Variants in BBIP1 observed in about 807,000 individuals in gnomAD.
The protein encoded by BBIP1 is BBSome interacting protein 1, also known as BBSome-interacting protein 1.
A neutral mutation model predicts 8.9 loss-of-function variants in BBIP1; 6 were observed. That is an observed-to-expected ratio of 0.67 (90% CI 0.37 to 1.33). BBIP1 has a LOEUF of 1.33. Among genes scored for constraint, BBIP1 ranks in the 40% most tolerant of loss-of-function variants. The pLI, the probability that BBIP1 is intolerant of heterozygous loss-of-function variation, is 0.02. For synonymous variants in BBIP1, 32 were observed against 33.4 expected (o/e 0.96, Z 0.14); for missense variants, 111 against 109.2 (o/e 1.02, Z -0.07).
intron 2 of BBIP1, among the ~76,000 whole-genome samples, chr10:110,906,056 G>A (rs1315744076): frequency 2.7e-5 from 4 of 148,954 alleles, no homozygotes; most frequent in Admixed American, 2.0e-4. Context: ...AGGCTGGAGA[G>A]CAGTGGCGCG....
chr10:110,900,829 A>G (rs947962464), intron 3 of BBIP1: 6 of 302,802 alleles, frequency 2.0e-5, no homozygotes, highest in Admixed American at 4.9e-5. Context: ...CAGAATATAT[A>G]TATACATAGT....
At chr10:110,901,078 C>G (rs755234775) in intron 3 of BBIP1, 1 of 445,472 alleles carries the variant, frequency 2.2e-6, no homozygotes, top group Non-Finnish European at 4.5e-6. Context: ...TTGTTTGAGC[C>G]CAGGGGTTTG....
chr10:110,914,318 G>A (rs939632005), intron 2 of BBIP1, among the ~76,000 whole-genome samples: 3 of 151,860 alleles, frequency 2.0e-5, no homozygotes, highest in African/African-American at 7.3e-5. Flanking sequence ...AATTCAACCT[G>A]CCTAGTGTGG....
chr10:110,904,765 T>C (rs2134024657), intron 2 of BBIP1: 1 of 152,328 alleles, frequency 6.6e-6, no homozygotes, highest in South Asian at 2.1e-4. Flanking sequence ...GCTGACTAAA[T>C]GTTCACCAGC....
intron 1 of BBIP1, 43 bp from the exon 2 acceptor site, chr10:110,918,256 A>G: frequency 9.7e-7 from 1 of 1,029,496 alleles, no homozygotes; most frequent in Non-Finnish European, 1.4e-6. Flanking sequence ...GCCATATAAA[A>G]GCAATACAGT....
intron 2 of BBIP1, chr10:110,907,526 AAAAAG>A (rs1378906077): frequency 8.2e-5 from 41 of 498,092 alleles, no homozygotes; most frequent in South Asian, 6.7e-4. Flanking sequence ...AAAAAAAAAA[AAAAAG>A]AAAAGAAAAG....
chr10:110,905,431 G>C (rs1846107379), intron 2 of BBIP1, among the ~76,000 whole-genome samples: 3 of 152,070 alleles, frequency 2.0e-5, no homozygotes, highest in Non-Finnish European at 4.4e-5. Flanking sequence ...GCGTAGTGGT[G>C]GGCGCCTGTA....
intron 2 of BBIP1, among the ~76,000 whole-genome samples, chr10:110,914,247 T>C (rs1364211797): frequency 6.6e-6 from 1 of 152,148 alleles, no homozygotes; most frequent in Non-Finnish European, 1.5e-5. Context: ...CTGTAAAGGA[T>C]ACTTTATGTA....
At chr10:110,909,934 C>T (rs1442853417) in intron 2 of BBIP1, among the ~76,000 whole-genome samples, 1 of 152,148 alleles carries the variant, frequency 6.6e-6, no homozygotes, top group Non-Finnish European at 1.5e-5. Flanking sequence ...CCAGCCGTAG[C>T]TAAGTGAGAG....
At chr10:110,904,201 T>C (rs1170476348) in intron 2 of BBIP1, 25 of 152,240 alleles carry the variant, frequency 1.6e-4, no homozygotes, top group Admixed American at 1.6e-3. Flanking sequence ...TGGCTGAAAT[T>C]CATGTGTATT....
chr10:110,903,049 A>G (rs1246771490), intron 2 of BBIP1: 1 of 152,160 alleles, frequency 6.6e-6, no homozygotes, highest in African/African-American at 2.4e-5. Context: ...AATATTCATT[A>G]TGATCACATT....
intron 1 of BBIP1, 72 bp from the exon 2 acceptor site, chr10:110,918,285 C>T: frequency 1.3e-6 from 1 of 782,864 alleles, no homozygotes; most frequent in Admixed American, 2.5e-5. Flanking sequence ...AAATCTTCAA[C>T]ACGTTGTTTA....
chr10:110,901,283 A>T, intron 3 of BBIP1: 1 of 453,390 alleles, frequency 2.2e-6, no homozygotes, highest in Non-Finnish European at 4.1e-6. Context: ...CCTGTCTCTT[A>T]AAAAAAATTC....
intron 2 of BBIP1, among the ~76,000 whole-genome samples, chr10:110,910,407 A>G (rs1846248723): frequency 6.6e-6 from 1 of 152,186 alleles, no homozygotes; most frequent in Admixed American, 6.5e-5. Context: ...CATATCCTAT[A>G]GTCAGGAGGG....
At chr10:110,911,046 G>A (rs1034253974) in intron 2 of BBIP1, 1 of 152,114 alleles carries the variant, frequency 6.6e-6, no homozygotes, top group Non-Finnish European at 1.5e-5. Context: ...TCAACTGCAA[G>A]ATAAAGCTTA....
At chr10:110,914,742 G>C (rs1464247200) in intron 2 of BBIP1, among the ~76,000 whole-genome samples, 1 of 152,182 alleles carries the variant, frequency 6.6e-6, no homozygotes, top group East Asian at 1.9e-4. Flanking sequence ...GTGGTGTCTA[G>C]CTTCTGAAAT....
intron 3 of BBIP1, chr10:110,900,820 A>G (rs1299767556): frequency 6.2e-5 from 19 of 304,726 alleles, no homozygotes; most frequent in Non-Finnish European, 1.1e-4. Flanking sequence ...AAGATTTGGC[A>G]GAATATATAT....
Position 110,901,706 on chromosome 10 carries a change from C to T in BBIP1, c.38-94G>A, listed in dbSNP as rs994434238. ...TAGTTTAAGAAGTAAAATCCAAATTCCTATAGAAAGTGAACTACCCTAACC... is the reference window on the plus strand; with the variant it reads ...TAGTTTAAGAAGTAAAATCCAAATTTCTATAGAAAGTGAACTACCCTAACC... On this transcript the variant is annotated intron_variant, in intron 2 of 3. Coordinates refer to ENST00000448814, the MANE Select transcript of BBIP1 (RefSeq NM_001195305.3). 18 of 974,254 alleles carry T rather than the reference C, an allele frequency of 1.8e-5. No homozygotes were observed. The East Asian group carries it at 4.5e-4, about 24-fold the overall frequency. The allele number at this position is 974,254 out of a possible 1,614,324, so 60.4% of individuals were successfully genotyped here. A position where few individuals can be genotyped will look rare whatever the true frequency, so the allele number is the denominator to read the frequency against.
chr10:110,908,792 T>TAAAAAAAAA (rs11320285), intron 2 of BBIP1, among the ~76,000 whole-genome samples: 1 of 142,538 alleles, frequency 7.0e-6, no homozygotes, highest in Non-Finnish European at 1.5e-5. Flanking sequence ...AAGGAATGCT[T>TAAAAAAAAA]AAAAAAAAAA....
Sources: gnomAD v4.1 joint callset for allele counts (sites outside exome capture counted in the v4.1 genomes callset) on GRCh38, gnomAD v4.1.1 for gene constraint, MANE v1.5 for transcripts, NCBI Gene and HGNC (gene_info 2026-07-23, HGNC 2026-07-21) for gene names.